Variants in CIROZ observed in about 807,000 individuals in gnomAD.
CIROZ encodes ciliated left-right organizer ZP-N domains-containing protein.
the CIROZ span, chr1:10,969,840 T>C: frequency 2.3e-6 from 3 of 1,326,086 alleles, no homozygotes; most frequent in Non-Finnish European, 2.9e-6. Context: ...TGGGGGGAGG[T>C]GGCCTTTGAG....
At chr1:10,978,078 A>G in the CIROZ span, among the ~76,000 whole-genome samples, 1 of 151,800 alleles carries the variant, frequency 6.6e-6, no homozygotes, top group Non-Finnish European at 1.5e-5. Context: ...CTGAGGCAGG[A>G]GAATCGCTTG....
the CIROZ span, chr1:10,948,005 T>C: frequency 8.1e-6 from 13 of 1,613,400 alleles, 1 homozygote; most frequent in Middle Eastern, 1.8e-3. Context: ...GGCGAACAGG[T>C]TCTGGTGGCA....
chr1:10,977,323 A>C, the CIROZ span, among the ~76,000 whole-genome samples: 1 of 152,162 alleles, frequency 6.6e-6, no homozygotes, highest in Non-Finnish European at 1.5e-5. Flanking sequence ...GTCTCTACTA[A>C]AATACAAAAA....
chr1:10,963,766 T>C, the CIROZ span, among the ~76,000 whole-genome samples: 5 of 150,196 alleles, frequency 3.3e-5, no homozygotes, highest in African/African-American at 1.2e-4. Context: ...AACTAGCAAA[T>C]TTAGCAAATT....
chr1:10,965,420 G>C, the CIROZ span, among the ~76,000 whole-genome samples: 1 of 152,146 alleles, frequency 6.6e-6, no homozygotes, highest in South Asian at 2.1e-4. Context: ...AGGACCCCTG[G>C]AGTGAAATTT....
chr1:10,974,329 C>T, the CIROZ span, among the ~76,000 whole-genome samples: 5 of 152,004 alleles, frequency 3.3e-5, no homozygotes, highest in Admixed American at 6.5e-5. This position sits in a 1 kb window ranked among gnomAD's most constrained non-coding sequence, Gnocchi z 4.4. Flanking sequence ...GGAAGACGAG[C>T]GCAGAGAGGC....
the CIROZ span, among the ~76,000 whole-genome samples, chr1:10,963,955 C>T: frequency 3.3e-5 from 5 of 152,162 alleles, no homozygotes; most frequent in Admixed American, 6.5e-5. Flanking sequence ...AGAGACCTAG[C>T]CAGTACCCAG....
the CIROZ span, chr1:10,964,048 G>A: frequency 1.3e-6 from 2 of 1,545,762 alleles, no homozygotes; most frequent in Admixed American, 1.9e-5. Flanking sequence ...CAGGAGCCAG[G>A]GCCACCTGCC....
At chr1:10,979,682 G>A in the CIROZ span, among the ~76,000 whole-genome samples, 3 of 152,160 alleles carry the variant, frequency 2.0e-5, no homozygotes, top group South Asian at 2.1e-4. Flanking sequence ...CCACCCCAGC[G>A]CCCAGCAGTG....
chr1:10,957,784 G>T, the CIROZ span: 4 of 1,602,392 alleles, frequency 2.5e-6, no homozygotes, highest in Non-Finnish European at 3.4e-6. Flanking sequence ...CACAAACCAT[G>T]TGGCCAGGGA....
the CIROZ span, among the ~76,000 whole-genome samples, chr1:10,963,072 G>A: frequency 3.3e-5 from 5 of 150,030 alleles, no homozygotes; most frequent in South Asian, 4.2e-4. Context: ...GTGAGCCTGC[G>A]TGACGGAGCA....
chr1:10,951,131 C>G, the CIROZ span, among the ~76,000 whole-genome samples: 1 of 152,134 alleles, frequency 6.6e-6, no homozygotes, highest in African/African-American at 2.4e-5. Context: ...TCAGTGAACC[C>G]GACTTTAAAA....
chr1:10,954,257 C>A, the CIROZ span: 1 of 1,225,056 alleles, frequency 8.2e-7, no homozygotes, highest in Non-Finnish European at 1.1e-6. Flanking sequence ...AGATCGAGAC[C>A]ATCTGGCTAA....
chr1:10,953,075 A>AC, the CIROZ span, among the ~76,000 whole-genome samples: 1 of 152,074 alleles, frequency 6.6e-6, no homozygotes, highest in Non-Finnish European at 1.5e-5. Flanking sequence ...GTCAGAACTC[A>AC]CCCCCAATCC....
At chr1:10,960,219 C>G in the CIROZ span, among the ~76,000 whole-genome samples, 2 of 152,062 alleles carry the variant, frequency 1.3e-5, no homozygotes, top group African/African-American at 4.8e-5. This position sits in a 1 kb window ranked among gnomAD's most constrained non-coding sequence, Gnocchi z 4.6. Context: ...GAAACCCCAT[C>G]TTTACCGAAA....
chr1:10,973,551 C>T, the CIROZ span, among the ~76,000 whole-genome samples: 1 of 152,076 alleles, frequency 6.6e-6, no homozygotes, highest in Non-Finnish European at 1.5e-5. Flanking sequence ...AAGCTGGCCC[C>T]GTCTGTACAA....
the CIROZ span, among the ~76,000 whole-genome samples, chr1:10,977,350 G>T: frequency 6.6e-6 from 1 of 152,092 alleles, no homozygotes; most frequent in Non-Finnish European, 1.5e-5. Context: ...GGGCGTGGTG[G>T]CGTGCGCCTG....
chr1:10,949,635 C>A, the CIROZ span: 1 of 1,602,906 alleles, frequency 6.2e-7, no homozygotes, highest in Non-Finnish European at 8.5e-7. Context: ...TTGGCCAGTG[C>A]GTCGGAAGGC....
At chr1:10,979,615 CAG>C in the CIROZ span, among the ~76,000 whole-genome samples, 2 of 152,120 alleles carry the variant, frequency 1.3e-5, no homozygotes, top group African/African-American at 4.8e-5. Flanking sequence ...ACAAGGGCAT[CAG>C]AGGACACGTG....
Sources: allele counts gnomAD v4.1 joint callset (sites outside exome capture counted in the v4.1 genomes callset), GRCh38; gene constraint gnomAD v4.1.1; non-coding constraint Gnocchi (gnomAD v3.1); transcripts MANE v1.5; gene names NCBI Gene and HGNC (gene_info 2026-07-23, HGNC 2026-07-21).